The following METTL15 variants were observed in gnomAD, a reference collection of about 807,000 sequenced individuals.
The protein encoded by METTL15 is 12S rRNA N(4)-cytidine methyltransferase METTL15.
In METTL15, 34 loss-of-function variants were observed where a neutral mutation model predicts 38.3. The ratio of observed to expected loss-of-function variants is 0.89; its 90% CI spans 0.68 to 1.18. METTL15 has a LOEUF of 1.18. Among genes scored for constraint, METTL15 ranks in the 50% most tolerant of loss-of-function variants. The probability of loss-of-function intolerance (pLI) is 0.00; values close to 1 mark genes in which losing one functional copy is unlikely to be tolerated. For missense variants in METTL15, 438 were observed against 498.4 expected, an observed-to-expected ratio of 0.88 and a Z score of 1.15; for synonymous variants, 162 against 170.9, an observed-to-expected ratio of 0.95 and a Z score of 0.41.
intron 6 of METTL15, among the ~76,000 whole-genome samples, chr11:28,465,036 T>G (rs936638575): frequency 6.6e-6 from 1 of 152,220 alleles, no homozygotes; most frequent in Non-Finnish European, 1.5e-5. Flanking sequence ...TTTAGTATGA[T>G]CTGGATCCTA....
rs535855931 is a variant in METTL15 at position 28,441,827 on chromosome 11, A to G, written c.*424+17463A>G. ...TAGCTTGGTACTTGGGGCCCTTCCAATCAACCCAGATTATCATTCTGGTCT... is the reference window on the plus strand; with the variant it reads ...TAGCTTGGTACTTGGGGCCCTTCCAGTCAACCCAGATTATCATTCTGGTCT... On this transcript the variant is annotated intron_variant and NMD_transcript_variant, in intron 6 of 7. Transcript: ENST00000532947. Among the ~76,000 whole-genome samples the G allele has an allele frequency of 1.0e-3, 152 of 152,292 alleles. 1 individual carries two copies. In the South Asian group the frequency reaches 0.027, roughly 27 times the overall value.
rs552671915 is a variant in METTL15, at chr11:28,475,395, A to G, written c.*424+51031A>G. On this transcript the variant is annotated intron_variant and NMD_transcript_variant, in intron 6 of 7. Transcript: ENST00000532947. ...TTATTCTGAGATTTTCCCTCCATCT[A>G]TTGTCCAAGATTTCTACTTACTTAG... Among the ~76,000 whole-genome samples, 111 of 152,036 alleles carry G rather than the reference A, an allele frequency of 7.3e-4. 1 individual carries two copies. The highest frequency in any genetic ancestry group is 2.6e-3 in the African/African-American group (109 of 41,458).
At chr11:28,455,216 C>CTTTT (rs34686157) in intron 6 of METTL15, among the ~76,000 whole-genome samples, 11 of 85,818 alleles carry the variant, frequency 1.3e-4, no homozygotes, top group East Asian at 3.4e-4. Flanking sequence ...GATCAGCTAG[C>CTTTT]TTTTTTTTTT....
chr11:28,206,073 T>C (rs1852329076), intron 3 of METTL15, among the ~76,000 whole-genome samples: 1 of 146,284 alleles, frequency 6.8e-6, no homozygotes, highest in Non-Finnish European at 1.5e-5. Context: ...TTCACTCTGA[T>C]GGTAGTTTCT....
chr11:28,346,096 C>T (rs1011459640), intron 3 of METTL15, among the ~76,000 whole-genome samples: 4 of 152,218 alleles, frequency 2.6e-5, no homozygotes, highest in African/African-American at 9.7e-5. Context: ...AGTTAAGCTA[C>T]GTCCTGTATG....
chr11:28,307,863 T>C (rs906583840), intron 6 of METTL15, among the ~76,000 whole-genome samples: 6 of 152,030 alleles, frequency 3.9e-5, no homozygotes, highest in Non-Finnish European at 8.8e-5. Flanking sequence ...TGGCTACATA[T>C]ATATTTTTAC....
intron 4 of METTL15, among the ~76,000 whole-genome samples, chr11:28,236,708 A>C (rs1238707705): frequency 1.3e-5 from 2 of 152,124 alleles, no homozygotes; most frequent in Non-Finnish European, 2.9e-5. Context: ...GATGTTCTTT[A>C]CATTTTGGCA....
At chr11:28,479,560 T>C (rs1364899344) in intron 6 of METTL15, among the ~76,000 whole-genome samples, 2 of 152,230 alleles carry the variant, frequency 1.3e-5, no homozygotes, top group Non-Finnish European at 1.5e-5. Context: ...GGTTTTGTAG[T>C]AATCCTGATA....
At chr11:28,147,150 A>G (rs1263572237) in intron 3 of METTL15, among the ~76,000 whole-genome samples, 1 of 151,912 alleles carries the variant, frequency 6.6e-6, no homozygotes, top group South Asian at 2.1e-4. Flanking sequence ...GGCACTTTAT[A>G]TATATTATTT....
At chr11:28,414,874 T>A (rs1212713730) in intron 5 of METTL15, among the ~76,000 whole-genome samples, 6 of 152,234 alleles carry the variant, frequency 3.9e-5, no homozygotes, top group Non-Finnish European at 7.3e-5. Context: ...ACTGCTATTG[T>A]AGTAGATTCT....
At chr11:28,170,403 G>A (rs925490067) in intron 3 of METTL15, among the ~76,000 whole-genome samples, 2 of 152,042 alleles carry the variant, frequency 1.3e-5, no homozygotes, top group African/African-American at 4.8e-5. Flanking sequence ...CCCAAGAGAG[G>A]GTTCTTGGAC....
At chr11:28,344,915 ATAGTC>A (rs971286610) in intron 3 of METTL15, among the ~76,000 whole-genome samples, 17 of 152,238 alleles carry the variant, frequency 1.1e-4, no homozygotes, top group Admixed American at 9.8e-4. Flanking sequence ...TTTTAATAGT[ATAGTC>A]TGTTTGATAT....
At chr11:28,140,736 C>G (rs948432073) in intron 3 of METTL15, among the ~76,000 whole-genome samples, 1 of 152,156 alleles carries the variant, frequency 6.6e-6, no homozygotes, top group Non-Finnish European at 1.5e-5. Flanking sequence ...GCTGGTTGCC[C>G]CCTTCACAGT....
At chr11:28,348,682 ATGT>A (rs1850016990) in intron 3 of METTL15, among the ~76,000 whole-genome samples, 1 of 12,188 alleles carries the variant, frequency 8.2e-5, no homozygotes, top group African/African-American at 3.2e-4. Context: ...CTATCCATTT[ATGT>A]ATGTATGTAT....
intron 3 of METTL15, among the ~76,000 whole-genome samples, chr11:28,171,412 C>T (rs774306580): frequency 6.6e-6 from 1 of 152,018 alleles, no homozygotes; most frequent in Non-Finnish European, 1.5e-5. Flanking sequence ...TATTGAGGCT[C>T]ATAAGAGAGG....
At chr11:28,218,619 G>T (rs1360096595) in intron 4 of METTL15, among the ~76,000 whole-genome samples, 1 of 152,120 alleles carries the variant, frequency 6.6e-6, no homozygotes, top group Non-Finnish European at 1.5e-5. Flanking sequence ...GTGAGAGAGG[G>T]CGTCCGTGTC....
chr11:28,364,192 C>T (rs1850165871), intron 5 of METTL15, among the ~76,000 whole-genome samples: 1 of 152,034 alleles, frequency 6.6e-6, no homozygotes, highest in Non-Finnish European at 1.5e-5. Context: ...ATAAACTTTA[C>T]AATATATTTT....
chr11:28,181,977 G>T (rs558964217), intron 3 of METTL15, among the ~76,000 whole-genome samples: 1 of 152,234 alleles, frequency 6.6e-6, no homozygotes, highest in East Asian at 1.9e-4. Context: ...ATATCTTGTT[G>T]TGGTTTTGAT....
At chr11:28,193,866 G>T (rs1851790237) in intron 3 of METTL15, among the ~76,000 whole-genome samples, 1 of 152,040 alleles carries the variant, frequency 6.6e-6, no homozygotes, top group Non-Finnish European at 1.5e-5. Flanking sequence ...TTAAAGTCCA[G>T]ACTCTTTAGT....
Sources: allele counts gnomAD v4.1 joint callset (sites outside exome capture counted in the v4.1 genomes callset), GRCh38; gene constraint gnomAD v4.1.1; transcripts MANE v1.5; gene names NCBI Gene and HGNC (gene_info 2026-07-23, HGNC 2026-07-21).